MICAL2: variants seen among roughly 807,000 people sequenced by gnomAD.
MICAL2 encodes the protein [F-actin]-monooxygenase MICAL2.
MICAL2 carries 77 observed loss-of-function variants against 127.3 expected under a neutral mutation model. The ratio of observed to expected loss-of-function variants is 0.60; its 90% CI spans 0.50 to 0.73. The LOEUF is 0.73. MICAL2 is among the 30% of genes least tolerant of loss of function. MICAL2 has a pLI of 0.00. For missense variants in MICAL2, 1,351 were observed against 1,434.4 expected, an observed-to-expected ratio of 0.94 and a Z score of 0.94; for synonymous variants, 570 against 551.1, an observed-to-expected ratio of 1.03 and a Z score of -0.48.
At chr11:12,285,962 T>C (rs1863821959) in intron 2 of MICAL2, among the ~76,000 whole-genome samples, 1 of 152,110 alleles carries the variant, frequency 6.6e-6, no homozygotes, top group South Asian at 2.1e-4. Context: ...CCCCATCCTT[T>C]CTCTCCAGCA....
chr11:12,327,867 G>T (rs541380785), intron 32 of MICAL2, among the ~76,000 whole-genome samples: 5 of 149,442 alleles, frequency 3.3e-5, no homozygotes, highest in Admixed American at 6.7e-5. Flanking sequence ...ATGGGTATTG[G>T]AGCAGTGTTG....
intron 2 of MICAL2, among the ~76,000 whole-genome samples, chr11:12,156,603 C>A (rs1034770329): frequency 6.6e-6 from 1 of 152,138 alleles, no homozygotes; most frequent in Admixed American, 6.5e-5. Context: ...TGGAAGTGCT[C>A]CTTTTGGTTA....
At position 12,244,091 on chromosome 11, in the gene MICAL2, C is replaced by T. The variant is rs1470783687; in HGVS notation, c.2763C>T (p.Asp921=). 6.2e-7 allele frequency: 1 copy of T among 1,614,112 alleles called. No individual in the cohort carries two copies. The highest frequency in any genetic ancestry group is 8.5e-7 in the Non-Finnish European group (1 of 1,180,048). The change falls in exon 21 of 28, where the codon GAC becomes GAT. Residue 921 remains aspartate, a synonymous_variant. Transcript: ENST00000683283. ...CTTCTTCCTCTCCATCAACTGTTGA[C>T]TCTGCTTCTCCTGCCAGAAAGGTAG... is the stretch of plus-strand genomic sequence containing the variant. ...PAASSSPSTV[D]SASPARKEKK... is the part of the protein sequence containing the mutation.
chr11:12,353,984 C>T (rs536136822), intron 33 of MICAL2, among the ~76,000 whole-genome samples: 40 of 152,308 alleles, frequency 2.6e-4, no homozygotes, highest in African/African-American at 8.4e-4. Context: ...TTGCTTCTCC[C>T]GGGCCTATGC....
At chr11:12,118,563 G>C (rs1033009914) in intron 1 of MICAL2, among the ~76,000 whole-genome samples, 2 of 152,184 alleles carry the variant, frequency 1.3e-5, no homozygotes, top group South Asian at 4.1e-4. Flanking sequence ...TACTTTGCCA[G>C]CTCTCTCCTT....
chr11:12,239,278 C>T (rs1482855211), intron 16 of MICAL2, among the ~76,000 whole-genome samples, 158 bp from the exon 17 acceptor site: 1 of 152,220 alleles, frequency 6.6e-6, no homozygotes, highest in Admixed American at 6.5e-5. Context: ...TGAGCATTGC[C>T]TCTGCGGGGG....
chr11:12,341,342 T>C (rs940719504), intron 32 of MICAL2, among the ~76,000 whole-genome samples: 5 of 151,360 alleles, frequency 3.3e-5, no homozygotes, highest in African/African-American at 9.7e-5. Flanking sequence ...CAAAATCACA[T>C]CAAAAGAGAT....
chr11:12,331,437 G>C (rs2134862045), intron 32 of MICAL2, among the ~76,000 whole-genome samples: 1 of 152,256 alleles, frequency 6.6e-6, no homozygotes, highest in East Asian at 1.9e-4. Context: ...AGATTGAGGG[G>C]TTTACCAAGA....
At chr11:12,291,950 C>T (rs1357410483), downstream of MICAL2, among the ~76,000 whole-genome samples, 2 of 152,176 alleles carry the variant, frequency 1.3e-5, no homozygotes, top group African/African-American at 4.8e-5. Flanking sequence ...ACTTCCTTTG[C>T]CCCACGGGAC....
chr11:12,324,154 C>A (rs1378686608), intron 31 of MICAL2: 2 of 1,498,882 alleles, frequency 1.3e-6, no homozygotes, highest in Non-Finnish European at 1.8e-6. Flanking sequence ...TGGGGGTCTG[C>A]ATTGTATTAG....
chr11:12,242,903 A>C (rs1860183794), intron 20 of MICAL2, 131 bp downstream of exon 20: 2 of 596,968 alleles, frequency 3.4e-6, no homozygotes, highest in African/African-American at 2.0e-5. Context: ...TTTATTTTTC[A>C]AGCCACCAAA....
intron 33 of MICAL2, chr11:12,350,018 CTCGGG>C: frequency 8.9e-7 from 1 of 1,127,674 alleles, no homozygotes; most frequent in Non-Finnish European, 1.3e-6. Flanking sequence ...AGGCCGAAGT[CTCGGG>C]ACTTTTTCTC....
chr11:12,286,145 AG>A (rs61090453), intron 2 of MICAL2, among the ~76,000 whole-genome samples: 10,317 of 152,274 alleles, frequency 0.068, 821 homozygotes, highest in African/African-American at 0.19. Flanking sequence ...CAGCTGGCAG[AG>A]GGGTCTTCCA....
At position 12,227,095 on chromosome 11, in the gene MICAL2, T is replaced by C. The variant is rs753671542; in HGVS notation, c.1959T>C (p.Tyr653=). 6.8e-6 allele frequency: 11 copies of C among 1,614,040 alleles called. No homozygotes were observed. Among genetic ancestry groups the C allele is most frequent in the Non-Finnish European group, 9.3e-6 (11 of 1,179,934 alleles). ...SLAKSSISNN[Y]LNLTFPRKRT... ...CCAAATCATCCATTTCTAATAACTA[T>C]CTCAACCTCACATTTCCAAGGAAGA... The change falls in exon 15 of 28, where the codon TAT becomes TAC. Residue 653 remains tyrosine, a synonymous_variant. Transcript: ENST00000683283.
intron 29 of MICAL2, among the ~76,000 whole-genome samples, chr11:12,308,895 T>C (rs77371421): frequency 0.015 from 2,241 of 152,334 alleles, 25 homozygotes; most frequent in Non-Finnish European, 0.021. Flanking sequence ...TCAACAAAAT[T>C]TCCTTCCATT....
chr11:12,303,955 C>A (rs1466585173), intron 29 of MICAL2, among the ~76,000 whole-genome samples: 1 of 152,016 alleles, frequency 6.6e-6, no homozygotes, highest in Non-Finnish European at 1.5e-5. Flanking sequence ...CACTTAAGAC[C>A]AGGAGGTCGA....
upstream of MICAL2, among the ~76,000 whole-genome samples, chr11:12,271,858 G>A (rs1447533757): frequency 6.6e-6 from 1 of 152,112 alleles, no homozygotes; most frequent in African/African-American, 2.4e-5. Context: ...GAGGAGACTG[G>A]CCTCCTTTGA....
In MICAL2 at chr11:12,137,269, C is replaced by T. The variant is rs556931806; in HGVS notation, c.-148-1121C>T. ...GCCCTTGGAGCTCGCCAGGCTCGCCCGGTGTGTGGGCCCACCAGGACTAAA... is the reference window on the plus strand; with the variant it reads ...GCCCTTGGAGCTCGCCAGGCTCGCCTGGTGTGTGGGCCCACCAGGACTAAA... On this transcript the variant is annotated intron_variant, in intron 1 of 27. Coordinates refer to ENST00000683283, the MANE Select transcript of MICAL2 (RefSeq NM_001282663.2). Among the ~76,000 whole-genome samples the T allele has an allele frequency of 2.0e-3, 211 of 108,054 alleles. 2 individuals carry two copies. Among genetic ancestry groups the T allele is most frequent in the Middle Eastern group, 4.7e-3 (1 of 212 alleles). 70.9% of individuals were successfully genotyped at this position (108,054 alleles called of 152,430 possible).
chr11:12,231,446 C>A (rs913470592), intron 15 of MICAL2, among the ~76,000 whole-genome samples: 5 of 152,194 alleles, frequency 3.3e-5, no homozygotes, highest in Non-Finnish European at 5.9e-5. Flanking sequence ...TCCCCCTCCC[C>A]AACCCTCCTC....
Sources: allele counts gnomAD v4.1 joint callset (sites outside exome capture counted in the v4.1 genomes callset), GRCh38; gene constraint gnomAD v4.1.1; transcripts MANE v1.5; gene names NCBI Gene and HGNC (gene_info 2026-07-23, HGNC 2026-07-21).